The following NLRP7 variants were observed in gnomAD, a reference collection of about 807,000 sequenced individuals.
NLRP7 encodes the protein NACHT, LRR and PYD domains-containing protein 7.
NLRP7 carries 72 observed loss-of-function variants against 85.5 expected under a neutral mutation model. The ratio of observed to expected loss-of-function variants is 0.84; its 90% CI spans 0.70 to 1.02. The LOEUF (loss-of-function observed/expected upper bound fraction) is 1.02, where lower values mean the gene tolerates loss of function less well. NLRP7 is among the 50% of genes least tolerant of loss of function. The pLI is 0.00. For missense variants in NLRP7, 1,243 were observed against 1,219.5 expected (o/e 1.02, Z -0.29); for synonymous variants, 550 against 505.2 (o/e 1.09, Z -1.19).
At chr19:54,963,137 G>A (rs1654483) in intron 1 of NLRP7, among the ~76,000 whole-genome samples, 35,454 of 151,888 alleles carry the variant, frequency 0.23, 4,198 homozygotes, top group East Asian at 0.38. Flanking sequence ...GGCTCACACC[G>A]GAAATCCCAG....
At chr19:54,962,051 T>C (rs1458805011) in intron 1 of NLRP7, among the ~76,000 whole-genome samples, 2 of 144,040 alleles carry the variant, frequency 1.4e-5, no homozygotes, top group Admixed American at 7.2e-5. Flanking sequence ...TAATCCCAGC[T>C]ACACAGGAGT....
chr19:54,952,401 T>G (rs560113022), upstream of NLRP7, among the ~76,000 whole-genome samples: 1 of 152,058 alleles, frequency 6.6e-6, no homozygotes, highest in African/African-American at 2.4e-5. Flanking sequence ...AAGACCAGCC[T>G]GGCCAACATA....
In NLRP7 at chr19:54,936,244, G is replaced by T. The variant is rs17699561; in HGVS notation, c.2300+17C>A. 0.22 allele frequency: 357,753 copies of T among 1,608,260 alleles called. 40,516 individuals carry two copies. Among genetic ancestry groups the T allele is most frequent in the South Asian group, 0.26 (23,515 of 90,868 alleles). On this transcript the variant is annotated intron_variant, in intron 6 of 9. Coordinates refer to ENST00000340844, the Ensembl canonical transcript of NLRP7. ...TGGACTCCAGGTGCTGGGGAGAGCC[G>T]TGACCGTGAGACCCACCTCAGGTAC...
intron 1 of NLRP7, among the ~76,000 whole-genome samples, chr19:54,956,740 G>GCACTTTGGGAGGCCGAGGCAGGTGGAT (rs1192695152): frequency 1.3e-5 from 2 of 150,964 alleles, no homozygotes; most frequent in Non-Finnish European, 2.9e-5. Flanking sequence ...TATAATATCA[G>GCACTTTGGGAGGCCGAGGCAGGTGGAT]CACTTTGGGA....
intron 1 of NLRP7, among the ~76,000 whole-genome samples, chr19:54,956,421 G>A (rs556947234): frequency 1.3e-5 from 2 of 151,266 alleles, no homozygotes; most frequent in African/African-American, 4.8e-5. Flanking sequence ...TGGGTATGGT[G>A]GTTCATGCCT....
chr19:54,958,884 G>C (rs980838984), intron 1 of NLRP7, among the ~76,000 whole-genome samples: 5 of 152,104 alleles, frequency 3.3e-5, no homozygotes, highest in African/African-American at 1.2e-4. Context: ...GGTCATGATT[G>C]AGCAATCTAG....
intron 9 of NLRP7, among the ~76,000 whole-genome samples, chr19:54,927,155 G>A (rs950869844): frequency 1.3e-4 from 19 of 150,914 alleles, no homozygotes; most frequent in Non-Finnish European, 2.2e-4. Context: ...TTGGGAGGCC[G>A]AGGCAGGTGG....
At chr19:54,956,969 A>G (rs567253138) in intron 1 of NLRP7, among the ~76,000 whole-genome samples, 2 of 151,638 alleles carry the variant, frequency 1.3e-5, no homozygotes, top group African/African-American at 4.8e-5. Context: ...CCACCCCCAG[A>G]AGCTCCAAGT....
chr19:54,940,086 C>T, exon 4 of NLRP7: 1 of 1,614,198 alleles, frequency 6.2e-7, no homozygotes, highest in Non-Finnish European at 8.5e-7. Context: ...ATTCTCTGTG[C>T]TTGGGCTAGG....
At chr19:54,940,039 G>A (rs186762492) in exon 4 of NLRP7, 1 of 1,614,166 alleles carries the variant, frequency 6.2e-7, no homozygotes, top group African/African-American at 1.3e-5. Flanking sequence ...CCCCAGGTGG[G>A]ACTTTCAGCT....
chr19:54,940,900 A>C (rs771320416), intron 3 of NLRP7, 31 bp downstream of exon 3: 2 of 1,381,826 alleles, frequency 1.4e-6, no homozygotes, highest in South Asian at 2.3e-5. Flanking sequence ...TCAAACACCA[A>C]ACTCATGACC....
At chr19:54,948,048 G>C (rs1231661953), upstream of NLRP7, among the ~76,000 whole-genome samples, 1 of 152,146 alleles carries the variant, frequency 6.6e-6, no homozygotes, top group Non-Finnish European at 1.5e-5. Flanking sequence ...ACCAGCCTAG[G>C]CAACATAGCA....
intron 8 of NLRP7, among the ~76,000 whole-genome samples, chr19:54,931,018 G>A (rs1308853357): frequency 6.6e-6 from 1 of 152,008 alleles, no homozygotes; most frequent in Non-Finnish European, 1.5e-5. Flanking sequence ...GCGAGACTCC[G>A]TCTCAAGAAA....
Position 54,960,715 on chromosome 19 carries a change from C to T in NLRP7, c.-77+5325G>A, listed in dbSNP as rs1284595806. Among the ~76,000 whole-genome samples, 3 of 152,202 alleles carry T rather than the reference C, an allele frequency of 2.0e-5. No homozygotes were observed. In the East Asian group the frequency reaches 5.8e-4, roughly 29 times the overall value. ...GATTCACGCCATTCTCCTGCCTCAG[C>T]CTCCCAAGTAGCTGGGACTACAGGC... On this transcript the variant is annotated intron_variant, in intron 1 of 2. Coordinates refer to the NLRP7 transcript ENST00000587103.
intron 5 of NLRP7, 26 bp downstream of exon 5, chr19:54,938,018 T>C: frequency 6.3e-7 from 1 of 1,579,128 alleles, no homozygotes. Flanking sequence ...TTCAGGGTCT[T>C]CCTTGCAAGA....
exon 6 of NLRP7, chr19:54,936,402 T>G: frequency 6.2e-7 from 1 of 1,614,128 alleles, no homozygotes; most frequent in Non-Finnish European, 8.5e-7. Context: ...GAAGTCCCGG[T>G]ACGCGGTGTC....
chr19:54,947,996 AGAGGCC>A (rs2069549387), upstream of NLRP7: 2 of 226,920 alleles, frequency 8.8e-6, no homozygotes, highest in East Asian at 1.2e-4. Flanking sequence ...CAGCAGGCTG[AGAGGCC>A]TAGGCCAGTG....
At chr19:54,964,475 C>T (rs912247473) in intron 1 of NLRP7, among the ~76,000 whole-genome samples, 1 of 151,662 alleles carries the variant, frequency 6.6e-6, no homozygotes, top group Admixed American at 6.6e-5. Context: ...CTCGGCCTCC[C>T]AAAGTGCTGG....
chr19:54,938,832 C>G, intron 4 of NLRP7, 56 bp downstream of exon 4: 1 of 1,594,566 alleles, frequency 6.3e-7, no homozygotes, highest in Middle Eastern at 2.1e-4. Flanking sequence ...AGCGACAGGG[C>G]AAAGGAGACG....
Sources: allele counts gnomAD v4.1 joint callset (sites outside exome capture counted in the v4.1 genomes callset), GRCh38; gene constraint gnomAD v4.1.1; transcripts MANE v1.5; gene names NCBI Gene and HGNC (gene_info 2026-07-23, HGNC 2026-07-21).